The following RPL11 variants were observed in gnomAD, a reference collection of about 807,000 sequenced individuals.
The protein encoded by RPL11 is ribosomal protein L11.
In RPL11, 3 loss-of-function variants were observed where a neutral mutation model predicts 24.1. The observed-to-expected ratio is 0.12, with a 90% CI of 0.06 to 0.32. The LOEUF (loss-of-function observed/expected upper bound fraction) is 0.32, where lower values mean the gene tolerates loss of function less well. Ranked by LOEUF, RPL11 falls within the 10% of genes least tolerant of loss-of-function variation. The pLI is 1.00. For missense variants in RPL11, 146 were observed against 225.7 expected, an observed-to-expected ratio of 0.65 and a Z score of 2.26; for synonymous variants, 96 against 75.7, an observed-to-expected ratio of 1.27 and a Z score of -1.39.
At position 23,692,475 on chromosome 1, in the gene RPL11, T is replaced by G. The variant is rs79924731; in HGVS notation, c.7-134T>G. ...TCTTCCCTTGATGTCCCCTAAACATTATACCTTTTAAACATTCAGGGTCTT... is the reference window on the plus strand; with the variant it reads ...TCTTCCCTTGATGTCCCCTAAACATGATACCTTTTAAACATTCAGGGTCTT... On this transcript the variant is annotated intron_variant, in intron 1 of 5. Transcript: ENST00000643754. 19,518 of 1,164,680 alleles carry G rather than the reference T, an allele frequency of 0.017. 400 individuals carry two copies. Among genetic ancestry groups the G allele is most frequent in the African/African-American group, 0.085 (5,656 of 66,174 alleles). The allele number at this position is 1,164,680 out of a possible 1,614,324, so 72.1% of individuals were successfully genotyped here. A position where few individuals can be genotyped will look rare whatever the true frequency, so the allele number is the denominator to read the frequency against.
intron 4 of RPL11, chr1:23,695,204 C>T (rs1364874197): frequency 9.3e-6 from 3 of 324,078 alleles, no homozygotes; most frequent in African/African-American, 6.4e-5. Context: ...GTGGTTTGCT[C>T]AGGAAGGGGG....
intron 5 of RPL11, 145 bp from the exon 6 acceptor site, chr1:23,696,199 C>T: frequency 1.2e-6 from 1 of 840,884 alleles, no homozygotes; most frequent in Non-Finnish European, 2.0e-6. Flanking sequence ...TAAAAACCAG[C>T]CAGCTTCCTA....
At chr1:23,695,149 G>C (rs1570568551) in intron 4 of RPL11, 2 of 369,468 alleles carry the variant, frequency 5.4e-6, no homozygotes, top group East Asian at 1.3e-4. Flanking sequence ...CACTGAGGCT[G>C]TTCTCCCCCT....
chr1:23,695,979 C>A, intron 5 of RPL11, 71 bp downstream of exon 5: 2 of 1,383,334 alleles, frequency 1.4e-6, no homozygotes, highest in Non-Finnish European at 2.0e-6. Flanking sequence ...TTTGGGGATG[C>A]AAAATATAGT....
At chr1:23,694,959 G>C in intron 4 of RPL11, 168 bp downstream of exon 4, 1 of 1,024,830 alleles carries the variant, frequency 9.8e-7, no homozygotes, top group Non-Finnish European at 1.5e-6. Flanking sequence ...CAAATGTAGG[G>C]GTGCAGCTCT....
rs1644529574 is a variant in RPL11, at chr1:23,695,782, G to A, written c.397-16G>A. On this transcript the variant is annotated splice_polypyrimidine_tract_variant and intron_variant, in intron 4 of 5. Coordinates refer to ENST00000643754, the MANE Select transcript of RPL11 (RefSeq NM_000975.5). Reference sequence around the variant, plus strand: ...CTCTGAGCTGGCTAGGTGACTGTTGGTTATTCCTGGGACAGGTGCTGGGTA... The same window carrying A: ...CTCTGAGCTGGCTAGGTGACTGTTGATTATTCCTGGGACAGGTGCTGGGTA... 3.8e-6 allele frequency: 6 copies of A among 1,571,968 alleles called. No homozygotes were observed. The South Asian group carries it at 5.8e-5, about 15-fold the overall frequency.
Position 23,692,647 on chromosome 1 carries a change from T to A in RPL11, c.45T>A (p.Leu15=), listed in dbSNP as rs749999001. The part of the protein sequence containing the change: ...QGEKENPMRE[L]RIRKLCLNIC... ...AAAAGGAGAACCCCATGCGGGAACT[T>A]CGCATCCGCAAACTCTGTCTCAACA... The change falls in exon 2 of 6, where the codon CTT becomes CTA. Residue 15 remains leucine, a synonymous_variant. Coordinates refer to ENST00000643754, the MANE Select transcript of RPL11 (RefSeq NM_000975.5). 5 of 1,614,056 alleles carry A rather than the reference T, an allele frequency of 3.1e-6. No homozygotes were observed. Among genetic ancestry groups the A allele is most frequent in the Non-Finnish European group, 3.4e-6 (4 of 1,180,036 alleles).
Position 23,695,776 on chromosome 1 carries a change from CTGT to C in RPL11, c.397-19_397-17del. The C allele has an allele frequency of 6.4e-7, 1 of 1,566,118 alleles. No individual in the cohort carries two copies. The highest frequency in any genetic ancestry group is 1.3e-5 in the African/African-American group (1 of 74,080). ...TCTTGACTCTGAGCTGGCTAGGTGA[CTGT>C]TGGTTATTCCTGGGACAGGTGCTGG... On this transcript the variant is annotated intron_variant, in intron 4 of 5. Coordinates refer to ENST00000643754, the MANE Select transcript of RPL11 (RefSeq NM_000975.5).
chr1:23,695,947 A>C (rs2280437), intron 5 of RPL11, 39 bp downstream of exon 5: 1 of 1,535,722 alleles, frequency 6.5e-7, no homozygotes, highest in South Asian at 1.2e-5. Context: ...GTGGAATGTG[A>C]TGTTGGTGAA....
chr1:23,691,941 C>T (rs2124428149), intron 1 of RPL11, 112 bp downstream of exon 1: 2 of 1,388,906 alleles, frequency 1.4e-6, no homozygotes, highest in Non-Finnish European at 2.0e-6. Flanking sequence ...CCCGCAATGC[C>T]TGCTGGCCCA....
intron 2 of RPL11, among the ~76,000 whole-genome samples, chr1:23,693,240 T>C (rs1200873125): frequency 6.6e-6 from 1 of 152,196 alleles, no homozygotes; most frequent in Non-Finnish European, 1.5e-5. Context: ...GACTCTGGGC[T>C]CTCTGGACCT....
Position 23,692,461 on chromosome 1 carries a change from T to G in RPL11, c.7-148T>G, listed in dbSNP as rs182840394. 5,262 of 959,096 alleles carry G rather than the reference T, an allele frequency of 5.5e-3. 25 individuals carry two copies. Among genetic ancestry groups the G allele is most frequent in the Non-Finnish European group, 6.8e-3 (4,245 of 625,264 alleles). 59.4% of individuals were successfully genotyped at this position (959,096 alleles called of 1,614,324 possible). The stretch of plus-strand genomic sequence containing the variant: ...GTTCCGAGCTGTCTTCTTCCCTTGA[T>G]GTCCCCTAAACATTATACCTTTTAA... On this transcript the variant is annotated intron_variant, in intron 1 of 5. Transcript: ENST00000643754.
intron 4 of RPL11, 110 bp downstream of exon 4, chr1:23,694,901 C>T: frequency 1.3e-6 from 2 of 1,543,692 alleles, no homozygotes; most frequent in Non-Finnish European, 1.8e-6. Flanking sequence ...TGAATATTGT[C>T]TGCCTTTGTG....
In RPL11 at chr1:23,696,292, A is replaced by G. The variant is rs932458115; in HGVS notation, c.508-52A>G. 1.9e-5 allele frequency: 30 copies of G among 1,564,442 alleles called. 1 individual carries two copies. The Middle Eastern group carries it at 1.5e-3, about 78-fold the overall frequency. On this transcript the variant is annotated intron_variant, in intron 5 of 5. Transcript: ENST00000643754. ...ATTCTCAAAAGTTAGCCATTGCTGC[A>G]ATCTCTGCTGTTGCCTCCTGTTCTG... is the stretch of plus-strand genomic sequence containing the variant.
intron 3 of RPL11, among the ~76,000 whole-genome samples, chr1:23,694,349 G>A (rs1188369248): frequency 6.6e-6 from 1 of 151,850 alleles, no homozygotes; most frequent in African/African-American, 2.4e-5. Flanking sequence ...CTGCACTCCA[G>A]CTTAGGCCAC....
intron 1 of RPL11, chr1:23,692,242 A>G (rs1362199023): frequency 1.9e-5 from 8 of 424,060 alleles, no homozygotes; most frequent in Non-Finnish European, 3.0e-5. Flanking sequence ...TGGACGTCGC[A>G]TAACCACGTG....
In RPL11 at chr1:23,696,457, C is replaced by G; in HGVS notation, c.*84C>G. The G allele has an allele frequency of 2.1e-6, 3 of 1,422,730 alleles. No individual in the cohort carries two copies. Among genetic ancestry groups the G allele is most frequent in the South Asian group, 2.3e-5 (2 of 85,984 alleles). The allele number at this position is 1,422,730 out of a possible 1,614,324, so 88.1% of individuals were successfully genotyped here. Reference sequence around the variant, plus strand: ...TGTGTGTTCTGTGAAAGGATCCTGGCCATATTCAAGTCCTTGGACCTCAAG... The same window carrying G: ...TGTGTGTTCTGTGAAAGGATCCTGGGCATATTCAAGTCCTTGGACCTCAAG... On this transcript the variant is annotated 3_prime_UTR_variant, in exon 6 of 6. Coordinates refer to ENST00000643754, the MANE Select transcript of RPL11 (RefSeq NM_000975.5).
At position 23,694,680 on chromosome 1, in the gene RPL11, A is replaced by G. The variant is rs1251040851; in HGVS notation, c.285A>G (p.Arg95=). 1 of 1,613,920 alleles carries G rather than the reference A, an allele frequency of 6.2e-7. No individual in the cohort carries two copies. Residue 95 remains arginine (R), a synonymous_variant, in exon 4 of 6, where the codon AGA becomes AGG. Transcript: ENST00000643754. ...KGLKVREYEL[R]KNNFSDTGNF... Reference sequence around the variant, plus strand: ...CACAGGTGCGGGAGTATGAGTTAAGAAAAAACAACTTCTCAGATACTGGAA... The same window carrying G: ...CACAGGTGCGGGAGTATGAGTTAAGGAAAAACAACTTCTCAGATACTGGAA...
intron 2 of RPL11, among the ~76,000 whole-genome samples, chr1:23,693,192 G>T (rs1018659061): frequency 6.6e-6 from 1 of 152,178 alleles, no homozygotes; most frequent in South Asian, 2.1e-4. Context: ...TATACAGATT[G>T]CCTGGGTTTG....
Sources: gnomAD v4.1 joint callset for allele counts (sites outside exome capture counted in the v4.1 genomes callset) on GRCh38, gnomAD v4.1.1 for gene constraint, MANE v1.5 for transcripts, NCBI Gene and HGNC (gene_info 2026-07-23, HGNC 2026-07-21) for gene names.